The following PTPRN2 variants were observed in gnomAD, a reference collection of about 807,000 sequenced individuals.
PTPRN2 encodes the protein receptor-type tyrosine-protein phosphatase N2.
PTPRN2 carries 74 observed loss-of-function variants against 118.8 expected under a neutral mutation model. That is an observed-to-expected ratio of 0.62 (90% CI 0.52 to 0.76). The LOEUF (loss-of-function observed/expected upper bound fraction) is 0.76, where lower values mean the gene tolerates loss of function less well. Among genes scored for constraint, PTPRN2 ranks in the 30% least tolerant of loss-of-function variants. PTPRN2 has a pLI of 0.00. For missense variants in PTPRN2, 1,481 were observed against 1,394.4 expected (o/e 1.06, Z -0.99); for synonymous variants, 641 against 608.0 (o/e 1.05, Z -0.80).
At chr7:157,846,994 G>A (rs1162703530) in intron 12 of PTPRN2, among the ~76,000 whole-genome samples, 1 of 151,186 alleles carries the variant, frequency 6.6e-6, no homozygotes, top group African/African-American at 2.4e-5. Flanking sequence ...CTTCATGTGT[G>A]GCCAATGTTT....
intron 17 of PTPRN2, among the ~76,000 whole-genome samples, chr7:157,594,826 G>T (rs1351736812): frequency 6.6e-6 from 1 of 152,190 alleles, no homozygotes; most frequent in African/African-American, 2.4e-5. Context: ...GAGAAGCACG[G>T]CCTGGCCTTC....
chr7:158,190,848 T>C (rs945159824), intron 5 of PTPRN2, among the ~76,000 whole-genome samples: 2 of 152,246 alleles, frequency 1.3e-5, no homozygotes, highest in African/African-American at 4.8e-5. Context: ...TCAAACGTCA[T>C]TGTGACATCC....
Position 158,070,308 on chromosome 7 carries a change from C to CTCG in PTPRN2, c.1723+10989_1723+10990insCGA, listed in dbSNP as rs1563386140. Among the ~76,000 whole-genome samples, 8 of 136,166 alleles carry CTCG rather than the reference C, an allele frequency of 5.9e-5. No individual in the cohort carries two copies. In the East Asian group the frequency reaches 8.4e-4, roughly 14 times the overall value. The allele number at this position is 136,166 out of a possible 152,430, so 89.3% of individuals were successfully genotyped here. A position where few individuals can be genotyped will look rare whatever the true frequency, so the allele number is the denominator to read the frequency against. ...GGTGCTCGTGGTGGTGGAGGTGCTC[C>CTCG]TGGTGGTGGAGGTGCTCGTGGTGTG... On this transcript the variant is annotated intron_variant, in intron 11 of 22. Transcript: ENST00000389418.
chr7:158,081,458 G>T, intron 10 of PTPRN2, 81 bp from the exon 11 acceptor site: 1 of 1,390,678 alleles, frequency 7.2e-7, no homozygotes, highest in Non-Finnish European at 1.0e-6. Context: ...GGAAAACACT[G>T]GTGTGTTTTT....
At chr7:157,778,775 C>T (rs903173848) in intron 12 of PTPRN2, among the ~76,000 whole-genome samples, 1 of 151,516 alleles carries the variant, frequency 6.6e-6, no homozygotes, top group Non-Finnish European at 1.5e-5. Flanking sequence ...ATACGGGTGC[C>T]GAATGCCCAC....
intron 11 of PTPRN2, among the ~76,000 whole-genome samples, chr7:157,909,854 C>A (rs894238870): frequency 3.3e-5 from 5 of 152,242 alleles, no homozygotes; most frequent in Non-Finnish European, 7.3e-5. Flanking sequence ...CACTGTCCAG[C>A]ACATTAGAGG....
chr7:158,159,965 CTAAA>C lies in PTPRN2; in HGVS notation c.910+6962_910+6965del, dbSNP rs369406695. ...CCCAAATATCTGAATATCAAAATCTCTAAATAGAGTCTAAATCCCAAAAGTCTAG... is the reference window on the plus strand; with the variant it reads ...CCCAAATATCTGAATATCAAAATCTCTAGAGTCTAAATCCCAAAAGTCTAG... On this transcript the variant is annotated intron_variant, in intron 6 of 22. Transcript: ENST00000389418. Among the ~76,000 whole-genome samples, 5 of 152,260 alleles carry C rather than the reference CTAAA, an allele frequency of 3.3e-5. No homozygotes were observed. In the East Asian group the frequency reaches 9.7e-4, roughly 29 times the overall value.
intron 17 of PTPRN2, among the ~76,000 whole-genome samples, chr7:157,580,822 G>C (rs1447577229): frequency 1.2e-4 from 11 of 95,244 alleles, no homozygotes; most frequent in Admixed American, 3.6e-4. Context: ...CCCAGCACCT[G>C]CACACCCCAG....
chr7:158,041,734 C>T (rs1399721810), intron 11 of PTPRN2, among the ~76,000 whole-genome samples: 2 of 152,198 alleles, frequency 1.3e-5, no homozygotes, highest in Admixed American at 1.3e-4. Flanking sequence ...CTTGAAAAAT[C>T]TATGGCCAAA....
rs1252929315 is a variant in PTPRN2, at chr7:158,171,348, T to TACAC, written c.550-4061_550-4058dup. ...ATATATATATATATATATATATATA[T>TACAC]ACACACACACATTTTTTTAAGACAT... On this transcript the variant is annotated intron_variant, in intron 5 of 22. Transcript: ENST00000389418. Among the ~76,000 whole-genome samples, 299 of 89,964 alleles carry TACAC rather than the reference T, an allele frequency of 3.3e-3. 7 individuals are homozygous for TACAC. The highest frequency in any genetic ancestry group is 6.9e-3 in the Middle Eastern group (1 of 144). The allele number at this position is 89,964 out of a possible 152,430, so 59.0% of individuals were successfully genotyped here.
chr7:157,545,119 TGG>T (rs1173296281), intron 22 of PTPRN2, among the ~76,000 whole-genome samples: 1 of 136,852 alleles, frequency 7.3e-6, no homozygotes, highest in African/African-American at 2.8e-5. Context: ...TAGGTGTGTG[TGG>T]GGTGTATGCA....
At position 157,615,128 on chromosome 7, in the gene PTPRN2, C is replaced by T. The variant is rs1048691019; in HGVS notation, c.2344+6234G>A. Among the ~76,000 whole-genome samples the T allele has an allele frequency of 9.2e-5, 14 of 152,358 alleles. No individual in the cohort carries two copies. Among genetic ancestry groups the T allele is most frequent in the South Asian group, 4.1e-4 (2 of 4,832 alleles). On this transcript the variant is annotated intron_variant, in intron 15 of 22. Transcript: ENST00000389418. The surrounding 1 kb of genome is among the most constrained non-coding windows in gnomAD (Gnocchi z 4.3). Reference sequence around the variant, plus strand: ...AAATAAATGAAGTGCTCGCAGGTCACGCTAATACGGCCAACACTGGGCGGC... The same window carrying T: ...AAATAAATGAAGTGCTCGCAGGTCATGCTAATACGGCCAACACTGGGCGGC...
intron 13 of PTPRN2, among the ~76,000 whole-genome samples, chr7:157,665,292 G>A (rs1289189023): frequency 3.3e-5 from 5 of 152,270 alleles, no homozygotes; most frequent in Non-Finnish European, 7.3e-5. Flanking sequence ...GGCCCAGTGT[G>A]TGCAGCTTGG....
Position 158,200,793 on chromosome 7 carries a change from A to C in PTPRN2, c.380+4378T>G, listed in dbSNP as rs186955193. Among the ~76,000 whole-genome samples the C allele has an allele frequency of 1.5e-3, 227 of 152,302 alleles. 1 individual carries two copies. The highest frequency in any genetic ancestry group is 4.9e-3 in the African/African-American group (203 of 41,580). On this transcript the variant is annotated intron_variant, in intron 4 of 22. Coordinates refer to ENST00000389418, the MANE Select transcript of PTPRN2 (RefSeq NM_002847.5). ...ATGAAAAAGTAGAAAAGCCTACCAA[A>C]CATTTATTGTTTCAAAAGGATATAA...
chr7:158,414,194 T>C (rs1215442655), intron 2 of PTPRN2, among the ~76,000 whole-genome samples: 1 of 151,112 alleles, frequency 6.6e-6, no homozygotes, highest in East Asian at 2.0e-4. Context: ...GGGAATCAGG[T>C]GCTCAACCCC....
chr7:158,077,553 TATGAGCCA>T (rs1812469789), intron 11 of PTPRN2, among the ~76,000 whole-genome samples: 1 of 28,784 alleles, frequency 3.5e-5, no homozygotes, highest in Admixed American at 3.5e-4. Context: ...AGGAGCCCCC[TATGAGCCA>T]CACCCCCACC....
chr7:158,559,812 C>T (rs1827267252), intron 1 of PTPRN2, among the ~76,000 whole-genome samples: 1 of 152,208 alleles, frequency 6.6e-6, no homozygotes, highest in Admixed American at 6.5e-5. Flanking sequence ...GAGGCGATGT[C>T]AAAGAACAAA....
At chr7:157,675,270 C>T (rs6974132) in intron 13 of PTPRN2, among the ~76,000 whole-genome samples, 19,043 of 152,180 alleles carry the variant, frequency 0.13, 1,337 homozygotes, top group African/African-American at 0.18. Context: ...GGCTTCCCTC[C>T]TGCCGAGCCC....
intron 1 of PTPRN2, among the ~76,000 whole-genome samples, chr7:158,495,306 C>T (rs1821750836): frequency 6.6e-6 from 1 of 152,210 alleles, no homozygotes. Flanking sequence ...AAGGAAGGTG[C>T]AGTGTTTGAA....
Sources: allele counts gnomAD v4.1 joint callset (sites outside exome capture counted in the v4.1 genomes callset), GRCh38; gene constraint gnomAD v4.1.1; non-coding constraint Gnocchi (gnomAD v3.1); transcripts MANE v1.5; gene names NCBI Gene and HGNC (gene_info 2026-07-23, HGNC 2026-07-21).